The following EVC2 variants were observed in gnomAD, a reference collection of about 807,000 sequenced individuals.
EVC2 encodes the protein limbin.
In EVC2, 148 loss-of-function variants were observed where a neutral mutation model predicts 149.3. The ratio of observed to expected loss-of-function variants is 0.99; its 90% CI spans 0.87 to 1.14. EVC2 has a LOEUF of 1.14. EVC2 is among the 50% of genes most tolerant of loss of function. EVC2 has a pLI of 0.00. For missense variants in EVC2, 1,854 were observed against 1,627.3 expected (o/e 1.14, Z -2.40); for synonymous variants, 776 against 649.9 (o/e 1.19, Z -2.95).
intron 16 of EVC2, among the ~76,000 whole-genome samples, chr4:5,603,580 A>T (rs947900338): frequency 1.3e-5 from 2 of 152,248 alleles, no homozygotes; most frequent in African/African-American, 4.8e-5. Flanking sequence ...CTACCCCTGC[A>T]TAATTGCCAA....
At chr4:5,651,407 A>C (rs1718138259) in intron 9 of EVC2, among the ~76,000 whole-genome samples, 2 of 152,070 alleles carry the variant, frequency 1.3e-5, no homozygotes, top group African/African-American at 2.4e-5. Flanking sequence ...GTGGAAGGAC[A>C]GATGAGTAAA....
chr4:5,649,825 T>C (rs1717981737), intron 9 of EVC2, among the ~76,000 whole-genome samples: 1 of 152,216 alleles, frequency 6.6e-6, no homozygotes, highest in Non-Finnish European at 1.5e-5. Context: ...ACTGCAAGAT[T>C]CCTCTCTGGG....
intron 17 of EVC2, among the ~76,000 whole-genome samples, chr4:5,580,776 T>C (rs1410336144): frequency 1.6e-4 from 1 of 6,190 alleles, no homozygotes; most frequent in East Asian, 5.5e-3. Flanking sequence ...CTTGAATGGG[T>C]GTTAAATTCA....
At chr4:5,654,464 T>A (rs1460257505) in intron 9 of EVC2, among the ~76,000 whole-genome samples, 1 of 152,042 alleles carries the variant, frequency 6.6e-6, no homozygotes, top group African/African-American at 2.4e-5. Context: ...ATCCTTGAGG[T>A]TTCAACCTAG....
At chr4:5,555,497 G>C (rs963422911) in intron 21 of EVC2, among the ~76,000 whole-genome samples, 1 of 152,082 alleles carries the variant, frequency 6.6e-6, no homozygotes, top group African/African-American at 2.4e-5. Flanking sequence ...AAAGAGAGCT[G>C]GGATAGCTGT....
chr4:5,620,106 A>AC (rs1455935609), intron 14 of EVC2, among the ~76,000 whole-genome samples: 1 of 151,928 alleles, frequency 6.6e-6, no homozygotes, highest in Non-Finnish European at 1.5e-5. Context: ...CTGAGGCCTG[A>AC]CCCCCAGGTC....
chr4:5,546,208 T>A (rs1721614669), intron 21 of EVC2, among the ~76,000 whole-genome samples: 1 of 152,134 alleles, frequency 6.6e-6, no homozygotes, highest in South Asian at 2.1e-4. Context: ...GCCATCCCAT[T>A]ACTGGGTATA....
At chr4:5,585,242 G>A (rs979080328) in intron 16 of EVC2, among the ~76,000 whole-genome samples, 2 of 152,062 alleles carry the variant, frequency 1.3e-5, no homozygotes, top group African/African-American at 4.8e-5. Flanking sequence ...CTGTTCTTCT[G>A]CCCCTACCCC....
chr4:5,645,968 C>T lies in EVC2; in HGVS notation c.1146-5130G>A, dbSNP rs192244707. On this transcript the variant is annotated intron_variant, in intron 9 of 21. Coordinates refer to ENST00000344408, the MANE Select transcript of EVC2 (RefSeq NM_147127.5). The stretch of plus-strand genomic sequence containing the variant: ...CAGACAGAATCTCGCTCTTGTTGCC[C>T]AGGCTGGATGGAGTGCAATGGCGTG... Among the ~76,000 whole-genome samples, 1,034 of 152,274 alleles carry T rather than the reference C, an allele frequency of 6.8e-3. 19 individuals are homozygous for T. The highest frequency in any genetic ancestry group is 0.023 in the African/African-American group (976 of 41,542).
chr4:5,683,349 G>C (rs1490639400), intron 6 of EVC2, among the ~76,000 whole-genome samples: 1 of 152,182 alleles, frequency 6.6e-6, no homozygotes, highest in African/African-American at 2.4e-5. Flanking sequence ...GCAGATAAGA[G>C]CCTAAAGCGT....
intron 21 of EVC2, among the ~76,000 whole-genome samples, chr4:5,554,361 G>C (rs1052898570): frequency 2.0e-5 from 3 of 152,184 alleles, no homozygotes; most frequent in African/African-American, 4.8e-5. Flanking sequence ...AGGGCTGAAA[G>C]TAGACTCGCA....
intron 7 of EVC2, among the ~76,000 whole-genome samples, chr4:5,666,645 T>A (rs1719304117): frequency 1.3e-5 from 2 of 152,210 alleles, no homozygotes; most frequent in South Asian, 4.1e-4. Flanking sequence ...CTTTCTGATT[T>A]AATCAGACCT....
chr4:5,539,309 C>T (rs557461386), downstream of EVC2, among the ~76,000 whole-genome samples: 1 of 152,214 alleles, frequency 6.6e-6, no homozygotes, highest in East Asian at 1.9e-4. Flanking sequence ...AAGAGCTATA[C>T]TGTATTTGTG....
intron 1 of EVC2, among the ~76,000 whole-genome samples, chr4:5,707,607 A>G (rs1413172670): frequency 1.3e-5 from 2 of 152,014 alleles, no homozygotes; most frequent in Non-Finnish European, 2.9e-5. Flanking sequence ...GCTGGAAGTG[A>G]AGTGGTGGGA....
chr4:5,590,268 T>C (rs1253389379), intron 16 of EVC2, among the ~76,000 whole-genome samples: 8 of 152,138 alleles, frequency 5.3e-5, no homozygotes, highest in Admixed American at 4.6e-4. Context: ...TGGATGTCCC[T>C]GAACAGGAAA....
In EVC2 at chr4:5,574,722, T is replaced by C; in HGVS notation, c.3323A>G (p.Asn1108Ser). The change falls in exon 19 of 22, where the codon AAC becomes AGC. Residue 1108 changes from asparagine to serine, a missense_variant. Physicochemically the swap from Asn to Ser is conservative, Grantham distance 46. Coordinates refer to ENST00000344408, the MANE Select transcript of EVC2 (RefSeq NM_147127.5). ...NSVVLEDLLE[N>S]MEADTFATLC... ...GGTTGCAAAGGTGTCTGCCTCCATG[T>C]TTTCCAACAAGTCTTCTAGCACGAC... 6.2e-7 allele frequency: 1 copy of C among 1,614,160 alleles called. No homozygotes were observed. The highest frequency in any genetic ancestry group is 1.1e-5 in the South Asian group (1 of 91,072).
chr4:5,639,621 T>C (rs1021499662), intron 10 of EVC2, among the ~76,000 whole-genome samples: 6 of 152,188 alleles, frequency 3.9e-5, no homozygotes, highest in Non-Finnish European at 7.3e-5. Context: ...GGAGCAGAGA[T>C]GGAATGTACT....
At chr4:5,593,009 T>A (rs980775423) in intron 16 of EVC2, among the ~76,000 whole-genome samples, 12 of 151,678 alleles carry the variant, frequency 7.9e-5, no homozygotes, top group Admixed American at 3.3e-4. Flanking sequence ...ATCTGATGGT[T>A]TTTTAAGGGA....
chr4:5,648,883 A>T (rs1717912697), intron 9 of EVC2, among the ~76,000 whole-genome samples: 1 of 152,240 alleles, frequency 6.6e-6, no homozygotes, highest in African/African-American at 2.4e-5. Flanking sequence ...GCCACTAATG[A>T]AGCCAACTCT....
Sources: allele counts gnomAD v4.1 joint callset (sites outside exome capture counted in the v4.1 genomes callset), GRCh38; gene constraint gnomAD v4.1.1; transcripts MANE v1.5; gene names NCBI Gene and HGNC (gene_info 2026-07-23, HGNC 2026-07-21).